Variants in SBNO2 observed in about 807,000 individuals in gnomAD.
SBNO2 encodes the protein protein strawberry notch homolog 2.
In SBNO2, 89 loss-of-function variants were observed where a neutral mutation model predicts 146.3. That is an observed-to-expected ratio of 0.61 (90% CI 0.51 to 0.73). The LOEUF is 0.73. Ranked by LOEUF, SBNO2 falls within the 30% of genes least tolerant of loss-of-function variation. SBNO2 has a pLI of 0.00. For synonymous variants in SBNO2, 1,147 were observed against 892.6 expected (o/e 1.29, Z -5.08); for missense variants, 2,092 against 2,003.7 (o/e 1.04, Z -0.84).
chr19:1,143,583 C>T (rs1223973248), intron 4 of SBNO2, among the ~76,000 whole-genome samples: 1 of 152,194 alleles, frequency 6.6e-6, no homozygotes, highest in Non-Finnish European at 1.5e-5. Context: ...CTCCCGGGGG[C>T]TCCAGGGGAA....
intron 17 of SBNO2, among the ~76,000 whole-genome samples, chr19:1,114,928 T>C (rs1314380370): frequency 6.7e-6 from 1 of 149,794 alleles, no homozygotes; most frequent in East Asian, 2.0e-4. Flanking sequence ...CCACCACGCC[T>C]GGCTTATTTA....
intron 4 of SBNO2, among the ~76,000 whole-genome samples, chr19:1,145,286 G>A (rs1354020199): frequency 1.4e-5 from 2 of 147,592 alleles, no homozygotes; most frequent in South Asian, 2.1e-4. Context: ...GACCAACATG[G>A]AGAAACCCTG....
rs1363790990 is a variant in SBNO2, at chr19:1,116,896, C to T, written c.1735G>A (p.Glu579Lys). ...CCCAGCACCTCCCGCGTGCGCGCCT[C>T]GCCCGTGGACTGCAGCCCGATGACC... is the stretch of plus-strand genomic sequence containing the variant. ...CVVIGLQSTG[E>K]ARTREVLGEN... The change falls in exon 16 of 32, where the codon GAG (glutamate) becomes AAG (lysine). Residue 579 changes from glutamate to lysine, a missense_variant. Physicochemically the swap from Glu to Lys is moderately conservative, Grantham distance 56 (BLOSUM62 1). Transcript: ENST00000361757. 6.4e-7 allele frequency: 1 copy of T among 1,571,102 alleles called. No individual in the cohort carries two copies. The highest frequency in any genetic ancestry group is 8.6e-7 in the Non-Finnish European group (1 of 1,163,022).
Position 1,172,518 on chromosome 19 carries a change from G to A in SBNO2, c.-127+1654C>T, listed in dbSNP as rs145458013. 3.2e-4 allele frequency among the ~76,000 whole-genome samples: 49 copies of A among 152,252 alleles called. 1 individual carries two copies. Among genetic ancestry groups the A allele is most frequent in the African/African-American group, 1.1e-3 (45 of 41,536 alleles). Reference sequence around the variant, plus strand: ...CAAACTCTCTGGGTCCCATGTCCCCGCTGCTCCTCTTCCAGGGCCGAGTCA... The same window carrying A: ...CAAACTCTCTGGGTCCCATGTCCCCACTGCTCCTCTTCCAGGGCCGAGTCA... On this transcript the variant is annotated intron_variant, in intron 1 of 31. Coordinates refer to ENST00000361757, the MANE Select transcript of SBNO2 (RefSeq NM_014963.3).
intron 4 of SBNO2, among the ~76,000 whole-genome samples, chr19:1,137,193 T>G (rs536755979): frequency 0.032 from 1,225 of 38,190 alleles, 1 homozygote; most frequent in Middle Eastern, 0.07. Context: ...GGGGTGCGGT[T>G]GGGGGAGGCT....
chr19:1,169,211 T>G (rs2080454740), intron 1 of SBNO2: 1 of 152,394 alleles, frequency 6.6e-6, no homozygotes, highest in East Asian at 1.9e-4. Context: ...GGACAGTGCC[T>G]GCAGGGGAGA....
At chr19:1,128,383 ATG>A (rs1322639743) in intron 4 of SBNO2, 24 of 311,448 alleles carry the variant, frequency 7.7e-5, no homozygotes, top group Middle Eastern at 7.4e-4. Context: ...AAGGAGATGT[ATG>A]TACATCATTT....
At chr19:1,134,970 C>T (rs2080071919) in intron 4 of SBNO2, among the ~76,000 whole-genome samples, 2 of 143,264 alleles carry the variant, frequency 1.4e-5, no homozygotes, top group South Asian at 2.2e-4. Context: ...TGCTTGAACC[C>T]GGGAGGCAGA....
chr19:1,118,606 C>T (rs536353982), intron 14 of SBNO2, among the ~76,000 whole-genome samples: 3 of 152,178 alleles, frequency 2.0e-5, no homozygotes, highest in East Asian at 1.9e-4. Context: ...ACGTGGCTCA[C>T]GCCTGTCATC....
At position 1,108,385 on chromosome 19, in the gene SBNO2, G is replaced by T; in HGVS notation, c.3936C>A (p.Phe1312Leu). 7.8e-7 allele frequency: 1 copy of T among 1,288,276 alleles called. No individual in the cohort carries two copies. Among genetic ancestry groups the T allele is most frequent in the Non-Finnish European group, 9.9e-7 (1 of 1,011,846 alleles). 79.8% of individuals were successfully genotyped at this position (1,288,276 alleles called of 1,614,324 possible). Reference protein sequence around the residue: ...ALAHQGCDINFKEVLEDMLRS... With the variant: ...ALAHQGCDINLKEVLEDMLRS... ...GCAGCATGTCCTCCAGCACCTCCTT[G>T]AAGTTGATGTCGCAGCCCTGGTGCG... Residue 1312 changes from phenylalanine (F) to leucine (L), a missense_variant, in exon 32 of 32, where the codon TTC (phenylalanine) becomes TTA (leucine). Physicochemically the swap from Phe to Leu is conservative, Grantham distance 22. Transcript: ENST00000361757.
At chr19:1,166,000 AGATCCT>A (rs1415168292) in intron 1 of SBNO2, among the ~76,000 whole-genome samples, 1 of 139,502 alleles carries the variant, frequency 7.2e-6, no homozygotes, top group African/African-American at 2.8e-5. Context: ...CCCAGACCCC[AGATCCT>A]AGATCCCAGA....
At chr19:1,163,156 T>C (rs1334052579) in intron 1 of SBNO2, among the ~76,000 whole-genome samples, 1 of 152,182 alleles carries the variant, frequency 6.6e-6, no homozygotes, top group Non-Finnish European at 1.5e-5. Flanking sequence ...GGTGGGGCCT[T>C]ATTTGCATAC....
intron 5 of SBNO2, among the ~76,000 whole-genome samples, chr19:1,125,652 G>A (rs915459051): frequency 4.6e-5 from 7 of 151,726 alleles, no homozygotes; most frequent in East Asian, 1.9e-4. Flanking sequence ...CAGCCTGGGC[G>A]ACAAGAGCGA....
At position 1,160,782 on chromosome 19, in the gene SBNO2, G is replaced by A. The variant is rs370082067; in HGVS notation, c.-126-6380C>T. 2.8e-3 allele frequency among the ~76,000 whole-genome samples: 432 copies of A among 152,214 alleles called. 2 individuals carry two copies. The highest frequency in any genetic ancestry group is 0.01 in the African/African-American group (418 of 41,542). ...CGATTTCAGGTGATCCGCCCGCCTC[G>A]GCCTCCCAAAGTGCTGGAATTACAG... On this transcript the variant is annotated intron_variant, in intron 1 of 31. Coordinates refer to ENST00000361757, the MANE Select transcript of SBNO2 (RefSeq NM_014963.3).
Position 1,108,248 on chromosome 19 carries a change from G to T in SBNO2, c.4073C>A (p.Pro1358His). 1 of 1,526,490 alleles carries T rather than the reference G, an allele frequency of 6.6e-7. No individual in the cohort carries two copies. The highest frequency in any genetic ancestry group is 8.8e-7 in the Non-Finnish European group (1 of 1,135,058). The allele number at this position is 1,526,490 out of a possible 1,614,324, so 94.6% of individuals were successfully genotyped here. ...GAGAGGAGCCTGGGCGCCGGGGAAG[G>T]GTGGGCTGAACTGGATCACGCTCTG... is the stretch of plus-strand genomic sequence containing the variant. ...ERQSVIQFSP[P>H]FPGAQAPL Residue 1358 changes from proline (P) to histidine (H), a missense_variant, in exon 32 of 32, where the codon CCC becomes CAC. By Grantham distance (77) the Pro-to-His change is moderately conservative. Transcript: ENST00000361757.
At chr19:1,151,021 T>A (rs921892602) in intron 2 of SBNO2, among the ~76,000 whole-genome samples, 2 of 152,236 alleles carry the variant, frequency 1.3e-5, no homozygotes, top group African/African-American at 4.8e-5. Context: ...CCCGTGCAAG[T>A]GGCTTGCAGG....
At chr19:1,139,639 A>G (rs566369002) in intron 4 of SBNO2, among the ~76,000 whole-genome samples, 13 of 152,238 alleles carry the variant, frequency 8.5e-5, no homozygotes, top group African/African-American at 2.9e-4. Flanking sequence ...TACTAAAAAT[A>G]CAAAAATCAG....
Position 1,111,096 on chromosome 19 carries a change from G to A in SBNO2, c.2810-3C>T. 6.5e-7 allele frequency: 1 copy of A among 1,546,958 alleles called. No homozygotes were observed. The highest frequency in any genetic ancestry group is 8.7e-7 in the Non-Finnish European group (1 of 1,147,784). On this transcript the variant is annotated splice_polypyrimidine_tract_variant and splice_region_variant and intron_variant, in intron 24 of 31. Coordinates refer to ENST00000361757, the MANE Select transcript of SBNO2 (RefSeq NM_014963.3). ...AGACAGCAGGCCCTGCTTCATGTCT[G>A]CGGGGAGAGGGGCCTCACATGCTGG...
chr19:1,118,866 T>G, intron 14 of SBNO2, 145 bp downstream of exon 14: 1 of 779,470 alleles, frequency 1.3e-6, no homozygotes, highest in Non-Finnish European at 2.0e-6. Context: ...CACGAGACTG[T>G]CTCAAAAAAA....
Sources: allele counts gnomAD v4.1 joint callset (sites outside exome capture counted in the v4.1 genomes callset), GRCh38; gene constraint gnomAD v4.1.1; transcripts MANE v1.5; gene names NCBI Gene and HGNC (gene_info 2026-07-23, HGNC 2026-07-21).